The following PABPC4L variants were observed in gnomAD, a reference collection of about 807,000 sequenced individuals.
PABPC4L encodes the protein poly(A) binding protein cytoplasmic 4 like, also known as polyadenylate-binding protein 4-like.
For synonymous variants in PABPC4L, 169 were observed against 164.1 expected (o/e 1.03, Z -0.23); for missense variants, 452 against 451.4 (o/e 1.00, Z -0.01).
At chr4:134,194,947 C>G (rs77976549), downstream of PABPC4L, among the ~76,000 whole-genome samples, 991 of 151,762 alleles carry the variant, frequency 6.5e-3, 10 homozygotes, top group African/African-American at 0.022. Context: ...ATGATATGAT[C>G]AAATAGGCAT....
At chr4:134,074,698 C>T in the PABPC4L span, among the ~76,000 whole-genome samples, 6 of 152,102 alleles carry the variant, frequency 3.9e-5, no homozygotes, top group African/African-American at 1.4e-4. Flanking sequence ...GCTTGTGAGG[C>T]CCCAGAAAAC....
At chr4:134,039,828 G>A in the PABPC4L span, among the ~76,000 whole-genome samples, 1,273 of 151,896 alleles carry the variant, frequency 8.4e-3, 13 homozygotes, top group Non-Finnish European at 0.013. Context: ...TACATTTAAG[G>A]TTAATAATCT....
At chr4:134,049,285 T>C in the PABPC4L span, among the ~76,000 whole-genome samples, 107,022 of 151,978 alleles carry the variant, frequency 0.7, 38,095 homozygotes, top group East Asian at 0.95. Context: ...ACACCAATAG[T>C]AGTAACTTAG....
chr4:133,980,943 A>T, the PABPC4L span, among the ~76,000 whole-genome samples: 4 of 152,312 alleles, frequency 2.6e-5, no homozygotes, highest in African/African-American at 9.6e-5. Context: ...AGATCATTTG[A>T]GGTCAGGAGT....
At chr4:134,073,304 C>A in the PABPC4L span, among the ~76,000 whole-genome samples, 11 of 152,118 alleles carry the variant, frequency 7.2e-5, no homozygotes, top group Admixed American at 1.3e-4. Flanking sequence ...CCATGCAAGT[C>A]AAAAATCTAA....
the PABPC4L span, among the ~76,000 whole-genome samples, chr4:133,969,569 C>T: frequency 6.6e-6 from 1 of 152,308 alleles, no homozygotes; most frequent in Admixed American, 6.5e-5. Context: ...TCAAAATGCA[C>T]ATATGTAATA....
chr4:134,104,040 G>T, the PABPC4L span, among the ~76,000 whole-genome samples: 1 of 69,988 alleles, frequency 1.4e-5, no homozygotes, highest in East Asian at 0.026. Context: ...AGATATTGTA[G>T]CTTCTTTAGT....
At chr4:134,075,080 A>G in the PABPC4L span, among the ~76,000 whole-genome samples, 578 of 152,314 alleles carry the variant, frequency 3.8e-3, 2 homozygotes, top group African/African-American at 0.013. Flanking sequence ...TTGTTTAAGC[A>G]TTTCTTATAA....
At chr4:134,071,684 C>T in the PABPC4L span, among the ~76,000 whole-genome samples, 1 of 151,988 alleles carries the variant, frequency 6.6e-6, no homozygotes, top group South Asian at 2.1e-4. Context: ...TTAAGAAACA[C>T]AGTAATGCAC....
chr4:134,135,456 A>C, the PABPC4L span, among the ~76,000 whole-genome samples: 1 of 152,154 alleles, frequency 6.6e-6, no homozygotes, highest in African/African-American at 2.4e-5. Context: ...CAAATGCCTG[A>C]TAAGCATCTC....
the PABPC4L span, among the ~76,000 whole-genome samples, chr4:134,038,157 TC>T: frequency 6.6e-6 from 1 of 152,166 alleles, no homozygotes; most frequent in Admixed American, 6.6e-5. Flanking sequence ...CAGCCTTGCA[TC>T]CCAGGGATGA....
At chr4:134,066,668 CT>C in the PABPC4L span, among the ~76,000 whole-genome samples, 1 of 152,036 alleles carries the variant, frequency 6.6e-6, no homozygotes, top group Admixed American at 6.5e-5. Flanking sequence ...ATGATGTTGG[CT>C]GTTGATTTGT....
the PABPC4L span, among the ~76,000 whole-genome samples, chr4:133,964,228 A>G: frequency 6.6e-6 from 1 of 152,090 alleles, no homozygotes; most frequent in Non-Finnish European, 1.5e-5. Flanking sequence ...GAAGAGATAG[A>G]TAAATTTCTG....
chr4:134,135,013 AT>A, the PABPC4L span, among the ~76,000 whole-genome samples: 210 of 145,626 alleles, frequency 1.4e-3, 1 homozygote, highest in Admixed American at 0.012. Flanking sequence ...AAAGAACACC[AT>A]CCAGAAAGCA....
chr4:134,025,040 G>A, the PABPC4L span, among the ~76,000 whole-genome samples: 1 of 149,216 alleles, frequency 6.7e-6, no homozygotes, highest in Non-Finnish European at 1.5e-5. Context: ...CCAAAGTGCT[G>A]GATTACAGGG....
chr4:134,054,246 GTATA>G, the PABPC4L span, among the ~76,000 whole-genome samples: 61 of 74,064 alleles, frequency 8.2e-4, no homozygotes, highest in African/African-American at 2.7e-3. Context: ...TACTTTAGTT[GTATA>G]TGTATATATA....
chr4:134,069,619 C>T, the PABPC4L span, among the ~76,000 whole-genome samples: 4 of 152,210 alleles, frequency 2.6e-5, no homozygotes, highest in South Asian at 8.3e-4. Flanking sequence ...GCTGTTAATA[C>T]TTGTGATAGT....
At chr4:134,149,117 C>T in the PABPC4L span, among the ~76,000 whole-genome samples, 299 of 152,110 alleles carry the variant, frequency 2.0e-3, 1 homozygote, top group Non-Finnish European at 3.4e-3. Flanking sequence ...CTGCTTGTTC[C>T]AAAGCACTGT....
the PABPC4L span, among the ~76,000 whole-genome samples, chr4:134,124,048 G>A: frequency 6.6e-6 from 1 of 152,054 alleles, no homozygotes; most frequent in Non-Finnish European, 1.5e-5. Flanking sequence ...CTTTCTTCTG[G>A]ATTGAACGCA....
Sources: gnomAD v4.1 joint callset for allele counts (sites outside exome capture counted in the v4.1 genomes callset) on GRCh38, gnomAD v4.1.1 for gene constraint, MANE v1.5 for transcripts, NCBI Gene and HGNC (gene_info 2026-07-23, HGNC 2026-07-21) for gene names.